The following LRRC7 variants were observed in gnomAD, a reference collection of about 807,000 sequenced individuals.
LRRC7 encodes the protein leucine-rich repeat-containing protein 7.
In LRRC7, 23 loss-of-function variants were observed where a neutral mutation model predicts 175.7. The ratio of observed to expected loss-of-function variants is 0.13; its 90% confidence interval spans 0.09 to 0.19. The LOEUF (loss-of-function observed/expected upper bound fraction) is 0.19, where lower values mean the gene tolerates loss of function less well. Ranked by LOEUF, LRRC7 falls within the 10% of genes least tolerant of loss-of-function variation. The pLI is 1.00. For missense variants in LRRC7, 1,354 were observed against 1,904.7 expected (o/e 0.71, Z 5.38); for synonymous variants, 685 against 680.9 (o/e 1.01, Z -0.09).
intron 7 of LRRC7, among the ~76,000 whole-genome samples, chr1:69,881,089 T>C (rs1046197287): frequency 6.6e-6 from 1 of 152,216 alleles, no homozygotes; most frequent in Non-Finnish European, 1.5e-5. Context: ...TGTTATCACA[T>C]CATATTTTAA....
intron 4 of LRRC7, among the ~76,000 whole-genome samples, chr1:69,797,000 G>C (rs1398234144): frequency 1.3e-5 from 2 of 152,016 alleles, no homozygotes; most frequent in African/African-American, 2.4e-5. Context: ...TGAGACCCTT[G>C]AGATTAGAAG....
intron 6 of LRRC7, among the ~76,000 whole-genome samples, chr1:69,836,737 T>C (rs1438366235): frequency 6.6e-6 from 1 of 151,898 alleles, no homozygotes. Context: ...AGTACAATTG[T>C]TGAGAAGATT....
intron 26 of LRRC7, among the ~76,000 whole-genome samples, chr1:70,111,751 T>C (rs1264780967): frequency 6.6e-6 from 1 of 152,182 alleles, no homozygotes; most frequent in Non-Finnish European, 1.5e-5. Flanking sequence ...AGTTGTAACC[T>C]AAAACTCACT....
At chr1:69,842,793 C>T (rs942487867) in intron 7 of LRRC7, among the ~76,000 whole-genome samples, 19 of 152,116 alleles carry the variant, frequency 1.2e-4, no homozygotes, top group African/African-American at 3.1e-4. Flanking sequence ...AATTCTAAAA[C>T]GCAAGTTGTA....
intron 7 of LRRC7, among the ~76,000 whole-genome samples, chr1:69,903,351 G>A (rs1019916186): frequency 8.5e-5 from 13 of 152,092 alleles, no homozygotes; most frequent in African/African-American, 2.4e-4. Flanking sequence ...GTGGGGCATC[G>A]CCTCACCTGG....
At chr1:69,922,871 T>G (rs1042038644) in intron 7 of LRRC7, among the ~76,000 whole-genome samples, 1 of 152,070 alleles carries the variant, frequency 6.6e-6, no homozygotes, top group Non-Finnish European at 1.5e-5. Context: ...GCAGGTTAGT[T>G]ACGTATGTAT....
intron 1 of LRRC7, among the ~76,000 whole-genome samples, chr1:69,589,345 A>G (rs1646538648): frequency 1.3e-5 from 2 of 152,070 alleles, no homozygotes; most frequent in Admixed American, 6.6e-5. Flanking sequence ...TCTATATTTT[A>G]TGTTCTTATC....
rs1192680036 is a variant in LRRC7, at chr1:70,133,517, G to A, written c.*11630G>A. Among the ~76,000 whole-genome samples the A allele has an allele frequency of 6.6e-6, 1 of 152,096 alleles. No individual in the cohort carries two copies. Among genetic ancestry groups the A allele is most frequent in the Non-Finnish European group, 1.5e-5 (1 of 68,006 alleles). ...ATGGCCTTACACAGTCTGTTTTTAT[G>A]CCCCTTGTGCTGATACAATTGCTAA... On this transcript the variant is annotated 3_prime_UTR_variant, in exon 27 of 27. Coordinates refer to ENST00000651989, the MANE Select transcript of LRRC7 (RefSeq NM_001370785.2).
chr1:69,819,052 A>T (rs993157503), intron 4 of LRRC7, among the ~76,000 whole-genome samples: 1 of 151,984 alleles, frequency 6.6e-6, no homozygotes, highest in South Asian at 2.1e-4. Flanking sequence ...AGTTTCATTG[A>T]TCTTTTCTGA....
intron 4 of LRRC7, among the ~76,000 whole-genome samples, chr1:69,809,492 A>T (rs1677550997): frequency 6.6e-6 from 1 of 152,172 alleles, no homozygotes. Context: ...TTTCAGGCCA[A>T]TATCCCTGGT....
At chr1:69,943,974 AC>A (rs1474740202) in intron 8 of LRRC7, among the ~76,000 whole-genome samples, 2 of 150,636 alleles carry the variant, frequency 1.3e-5, no homozygotes, top group African/African-American at 2.4e-5. Flanking sequence ...ACACACACAC[AC>A]ACACACACAC....
intron 2 of LRRC7, among the ~76,000 whole-genome samples, chr1:69,712,692 C>T (rs944662351): frequency 1.3e-5 from 2 of 152,074 alleles, no homozygotes; most frequent in Non-Finnish European, 2.9e-5. Context: ...TTTATTTTTT[C>T]TTTCAGCATT....
At chr1:69,635,152 C>T (rs149921181) in intron 1 of LRRC7, among the ~76,000 whole-genome samples, 1,749 of 152,102 alleles carry the variant, frequency 0.011, 24 homozygotes, top group Admixed American at 0.016. Context: ...CATTTAGCTC[C>T]CACTTATAAA....
chr1:69,962,231 G>T (rs1282776287), intron 8 of LRRC7, among the ~76,000 whole-genome samples: 1 of 152,100 alleles, frequency 6.6e-6, no homozygotes, highest in African/African-American at 2.4e-5. Flanking sequence ...TGAATAAAAA[G>T]CTCAACATCA....
intron 4 of LRRC7, among the ~76,000 whole-genome samples, chr1:69,819,526 T>A (rs1220330868): frequency 6.6e-6 from 1 of 151,750 alleles, no homozygotes; most frequent in Non-Finnish European, 1.5e-5. Context: ...TTGAGATTAA[T>A]GTGTATTCTG....
chr1:69,817,888 G>A (rs1206638007), intron 4 of LRRC7, among the ~76,000 whole-genome samples: 1 of 151,958 alleles, frequency 6.6e-6, no homozygotes, highest in Middle Eastern at 3.2e-3. Context: ...CCACATTATT[G>A]TAAGCATTGT....
At chr1:69,869,649 C>A (rs937372367) in intron 7 of LRRC7, among the ~76,000 whole-genome samples, 7 of 152,028 alleles carry the variant, frequency 4.6e-5, no homozygotes, top group African/African-American at 1.7e-4. Flanking sequence ...AGAAAACCAA[C>A]ATTTATGGGA....
At chr1:70,024,461 A>T (rs1294821850) in intron 17 of LRRC7, among the ~76,000 whole-genome samples, 2 of 151,954 alleles carry the variant, frequency 1.3e-5, no homozygotes. Flanking sequence ...TTTACATCTA[A>T]GATACAAAGA....
intron 26 of LRRC7, among the ~76,000 whole-genome samples, chr1:70,110,608 C>T (rs1166034567): frequency 1.3e-5 from 2 of 152,098 alleles, no homozygotes; most frequent in East Asian, 3.9e-4. Flanking sequence ...AAAAGCTGCA[C>T]CCAAGATGTC....
Sources: allele counts gnomAD v4.1 joint callset (sites outside exome capture counted in the v4.1 genomes callset), GRCh38; gene constraint gnomAD v4.1.1; transcripts MANE v1.5; gene names NCBI Gene and HGNC (gene_info 2026-07-23, HGNC 2026-07-21).